OTUD7A: variants seen among roughly 807,000 people sequenced by gnomAD.
The protein encoded by OTUD7A is OTU deubiquitinase 7A, also known as OTU domain-containing protein 7A.
A neutral mutation model predicts 65.7 loss-of-function variants in OTUD7A; 12 were observed. The ratio of observed to expected loss-of-function variants is 0.18; its 90% CI spans 0.12 to 0.30. OTUD7A has a LOEUF of 0.30. OTUD7A is among the 10% of genes least tolerant of loss of function. The pLI, the probability that OTUD7A is intolerant of heterozygous loss-of-function variation, is 1.00. For missense variants in OTUD7A, 1,148 were observed against 1,304.8 expected, an observed-to-expected ratio of 0.88 and a Z score of 1.85; for synonymous variants, 641 against 586.3, an observed-to-expected ratio of 1.09 and a Z score of -1.35.
At chr15:31,694,615 A>C (rs1257612151) in intron 1 of OTUD7A, among the ~76,000 whole-genome samples, 2 of 151,830 alleles carry the variant, frequency 1.3e-5, no homozygotes, top group Admixed American at 6.6e-5. Flanking sequence ...CCAACATCTC[A>C]ACCCACCCCA....
chr15:31,481,838 C>T lies in OTUD7A; in HGVS notation c.*1456G>A, dbSNP rs1250031621. 6.6e-6 allele frequency: 1 copy of T among 152,292 alleles called. No individual in the cohort carries two copies. Among genetic ancestry groups the T allele is most frequent in the Non-Finnish European group, 1.5e-5 (1 of 68,036 alleles). 9.4% of individuals were successfully genotyped at this position (152,292 alleles called of 1,614,324 possible). A position where few individuals can be genotyped will look rare whatever the true frequency, so the allele number is the denominator to read the frequency against. Reference sequence around the variant, plus strand: ...CTCCAGTGAAGAGATGGTCGACCTCCTGCTTTTTCTGAGGATACACTCACA... The same window carrying T: ...CTCCAGTGAAGAGATGGTCGACCTCTTGCTTTTTCTGAGGATACACTCACA... On this transcript the variant is annotated 3_prime_UTR_variant, in exon 13 of 13. Transcript: ENST00000307050.
intron 5 of OTUD7A, among the ~76,000 whole-genome samples, chr15:31,552,059 ATGAG>A (rs1290997212): frequency 6.6e-6 from 1 of 152,142 alleles, no homozygotes; most frequent in Non-Finnish European, 1.5e-5. Flanking sequence ...CCTCGCAGTA[ATGAG>A]TGAGTTCTTG....
chr15:31,543,349 A>G (rs928161658), intron 5 of OTUD7A, among the ~76,000 whole-genome samples: 1 of 151,932 alleles, frequency 6.6e-6, no homozygotes, highest in African/African-American at 2.4e-5. Context: ...ACAATATTTA[A>G]TTGATTTAAA....
intron 1 of OTUD7A, among the ~76,000 whole-genome samples, chr15:31,761,169 A>T (rs897874349): frequency 3.3e-5 from 5 of 152,202 alleles, no homozygotes; most frequent in African/African-American, 1.2e-4. Flanking sequence ...CAACAAAAGA[A>T]CAGATAAATT....
chr15:31,827,944 A>G (rs977394578), intron 1 of OTUD7A, among the ~76,000 whole-genome samples: 1 of 152,138 alleles, frequency 6.6e-6, no homozygotes, highest in African/African-American at 2.4e-5. Context: ...CAAAAAAAAA[A>G]CCACATAAAA....
At chr15:31,867,151 C>T (rs994668652) in intron 1 of OTUD7A, among the ~76,000 whole-genome samples, 2 of 152,190 alleles carry the variant, frequency 1.3e-5, no homozygotes, top group Admixed American at 6.5e-5. Context: ...TCAGTCCCTG[C>T]GAGGAAAAGT....
chr15:31,479,365 G>C lies in OTUD7A; in HGVS notation c.*3929C>G, dbSNP rs1478657780. ...AGGAAAGAAAAAGGACAGAACACTGGGGGTACTTAATTTTAAAGTCCACAC... is the reference window on the plus strand; with the variant it reads ...AGGAAAGAAAAAGGACAGAACACTGCGGGTACTTAATTTTAAAGTCCACAC... On this transcript the variant is annotated 3_prime_UTR_variant, in exon 13 of 13. Coordinates refer to ENST00000307050, the MANE Select transcript of OTUD7A (RefSeq NM_001382637.1). 2 of 152,070 alleles carry C rather than the reference G, an allele frequency of 1.3e-5. No individual in the cohort carries two copies. Among genetic ancestry groups the C allele is most frequent in the African/African-American group, 2.4e-5 (1 of 41,382 alleles). The allele number at this position is 152,070 out of a possible 1,614,324, so 9.4% of individuals were successfully genotyped here.
intron 1 of OTUD7A, among the ~76,000 whole-genome samples, chr15:31,748,305 A>T (rs1423261997): frequency 6.6e-6 from 1 of 151,756 alleles, no homozygotes; most frequent in Non-Finnish European, 1.5e-5. Flanking sequence ...CAAATGGTTC[A>T]GAAAAAAAAC....
At chr15:31,501,612 C>T in intron 10 of OTUD7A, 78 bp downstream of exon 10, 1 of 1,577,238 alleles carries the variant, frequency 6.3e-7, no homozygotes, top group Non-Finnish European at 8.7e-7. Context: ...ATCCACCTCC[C>T]CGTGCAATGG....
At chr15:31,836,875 C>G (rs532552735) in intron 1 of OTUD7A, among the ~76,000 whole-genome samples, 1 of 152,274 alleles carries the variant, frequency 6.6e-6, no homozygotes, top group Non-Finnish European at 1.5e-5. Flanking sequence ...AAACAGATAG[C>G]TATATCATAA....
chr15:31,697,821 C>T (rs1893119270), intron 1 of OTUD7A, among the ~76,000 whole-genome samples: 1 of 152,248 alleles, frequency 6.6e-6, no homozygotes, highest in Non-Finnish European at 1.5e-5. Context: ...AGCCAATGCG[C>T]TGTGTTAGCA....
At chr15:31,588,704 G>C (rs555424677) in intron 3 of OTUD7A, among the ~76,000 whole-genome samples, 353 of 152,236 alleles carry the variant, frequency 2.3e-3, no homozygotes, top group Admixed American at 3.7e-3. Context: ...TGATGGTTCC[G>C]CTCCACACAC....
chr15:31,652,162 C>CT, intron 3 of OTUD7A, among the ~76,000 whole-genome samples: 2 of 152,196 alleles, frequency 1.3e-5, no homozygotes. Flanking sequence ...AACAGAACCA[C>CT]TGTCCAGAAA....
At chr15:31,743,603 A>G (rs2141375353) in intron 1 of OTUD7A, among the ~76,000 whole-genome samples, 1 of 152,246 alleles carries the variant, frequency 6.6e-6, no homozygotes, top group East Asian at 1.9e-4. Context: ...AATCAGCGAA[A>G]TAGAAAATAA....
At chr15:31,769,520 T>C (rs1429927402) in intron 1 of OTUD7A, among the ~76,000 whole-genome samples, 2 of 152,220 alleles carry the variant, frequency 1.3e-5, no homozygotes, top group African/African-American at 2.4e-5. Context: ...CGAATGTTCA[T>C]AGCCACTTTA....
chr15:31,667,530 G>A (rs933757008), intron 1 of OTUD7A, among the ~76,000 whole-genome samples: 1 of 152,090 alleles, frequency 6.6e-6, no homozygotes, highest in East Asian at 1.9e-4. Flanking sequence ...TTATGTGTTA[G>A]GTGAGTCTCC....
chr15:31,818,430 ATAATGG>A (rs1896603244), intron 1 of OTUD7A, among the ~76,000 whole-genome samples: 1 of 152,254 alleles, frequency 6.6e-6, no homozygotes, highest in South Asian at 2.1e-4. Context: ...ACAAAAGGGT[ATAATGG>A]TAGTCACAGG....
rs531756723 is a variant in OTUD7A at position 31,648,034 on chromosome 15, G to A, written c.151+7062C>T. Reference sequence around the variant, plus strand: ...AAGGGCTGGAGTACCAGGTGGAGAAGTTTATTTTGCAGGTAATGGGGACGG... The same window carrying A: ...AAGGGCTGGAGTACCAGGTGGAGAAATTTATTTTGCAGGTAATGGGGACGG... On this transcript the variant is annotated intron_variant, in intron 3 of 12. Transcript: ENST00000307050. Among the ~76,000 whole-genome samples, 275 of 152,308 alleles carry A rather than the reference G, an allele frequency of 1.8e-3. 1 individual carries two copies. Among genetic ancestry groups the A allele is most frequent in the African/African-American group, 6.2e-3 (258 of 41,562 alleles).
intron 1 of OTUD7A, among the ~76,000 whole-genome samples, chr15:31,663,362 G>C (rs1434343747): frequency 1.3e-5 from 2 of 151,864 alleles, no homozygotes; most frequent in Non-Finnish European, 2.9e-5. Context: ...GTGCCATGGT[G>C]GTTTGTTGTA....
Sources: gnomAD v4.1 joint callset for allele counts (sites outside exome capture counted in the v4.1 genomes callset) on GRCh38, gnomAD v4.1.1 for gene constraint, MANE v1.5 for transcripts, NCBI Gene and HGNC (gene_info 2026-07-23, HGNC 2026-07-21) for gene names.